The following PRKDC variants were observed in gnomAD, a reference collection of about 807,000 sequenced individuals.
PRKDC encodes the protein DNA-dependent protein kinase catalytic subunit.
PRKDC carries 82 observed loss-of-function variants against 486.9 expected under a neutral mutation model. The ratio of observed to expected loss-of-function variants is 0.17; its 90% CI spans 0.14 to 0.20. The LOEUF is 0.20. PRKDC is among the 10% of genes least tolerant of loss of function. The pLI, the probability that PRKDC is intolerant of heterozygous loss-of-function variation, is 1.00. For synonymous variants in PRKDC, 1,895 were observed against 1,837.0 expected (o/e 1.03, Z -0.81); for missense variants, 4,504 against 5,038.2 (o/e 0.89, Z 3.21).
At position 47,960,056 on chromosome 8, in the gene PRKDC, C is replaced by T; in HGVS notation, c.71G>A (p.Arg24His). 6.5e-7 allele frequency: 1 copy of T among 1,532,258 alleles called. No individual in the cohort carries two copies. The highest frequency in any genetic ancestry group is 8.7e-7 in the Non-Finnish European group (1 of 1,145,800). 94.9% of individuals were successfully genotyped at this position (1,532,258 alleles called of 1,614,324 possible). The change falls in exon 1 of 86, where the codon CGC (arginine) becomes CAC (histidine). Residue 24 changes from arginine (R) to histidine (H), a missense_variant. Arg to His is a conservative substitution (Grantham distance 29). Around this residue, in one of 6 missense-constraint regions of PRKDC, gnomAD observed 145 missense variants for 136.3 expected, o/e 1.06. Transcript: ENST00000314191. ...RLQETLSAAD[R>H]CGAALAGHQL... Reference sequence around the variant, plus strand: ...ATGACCGGCCAGGGCAGCACCGCAGCGGTCCGCAGCGGACAAGGTCTCCTG... The same window carrying T: ...ATGACCGGCCAGGGCAGCACCGCAGTGGTCCGCAGCGGACAAGGTCTCCTG...
chr8:47,802,116 T>C (rs1027493370), intron 70 of PRKDC, among the ~76,000 whole-genome samples: 1 of 152,162 alleles, frequency 6.6e-6, no homozygotes, highest in Non-Finnish European at 1.5e-5. Flanking sequence ...CAGGCCAGAA[T>C]ACAGTGGCTA....
chr8:47,877,109 A>G (rs2089107240), intron 40 of PRKDC, among the ~76,000 whole-genome samples: 2 of 152,260 alleles, frequency 1.3e-5, no homozygotes, highest in Non-Finnish European at 2.9e-5. Context: ...TGAAAGCAAA[A>G]GAATCAGATA....
At chr8:47,903,787 CTTT>C (rs1405693314) in intron 26 of PRKDC, among the ~76,000 whole-genome samples, 2 of 152,148 alleles carry the variant, frequency 1.3e-5, no homozygotes, top group East Asian at 1.9e-4. Context: ...AAAATAAAAA[CTTT>C]TTAACAGAAA....
At chr8:47,947,150 G>A (rs959009743) in intron 7 of PRKDC, among the ~76,000 whole-genome samples, 2 of 152,128 alleles carry the variant, frequency 1.3e-5, no homozygotes, top group African/African-American at 4.8e-5. Context: ...GCTAGAGACT[G>A]GCCGAGCATG....
chr8:47,794,531 A>T (rs538113308), intron 73 of PRKDC, 30 bp from the exon 74 acceptor site: 1 of 1,500,694 alleles, frequency 6.7e-7, no homozygotes, highest in Non-Finnish European at 9.2e-7. Context: ...CTTAATGCTG[A>T]GTAAAACATC....
chr8:47,907,597 A>C (rs2089814356), intron 25 of PRKDC, among the ~76,000 whole-genome samples: 1 of 139,876 alleles, frequency 7.1e-6, no homozygotes, highest in Non-Finnish European at 1.5e-5. Context: ...CGCAGTGGTG[A>C]AATCTGGGCT....
Position 47,935,845 on chromosome 8 carries a change from C to A in PRKDC, c.1334G>T (p.Ser445Ile), listed in dbSNP as rs1019855336. The stretch of plus-strand genomic sequence containing the variant: ...CATTTTTGGACTGTACTGTGGGAAA[C>A]TGTCTATCTGCATCACCACGAGGTG... The part of the protein sequence containing the change: ...LEHLVVMQID[S>I]FPQYSPKMQL... The change falls in exon 13 of 86, where the codon AGT becomes ATT. Residue 445 changes from serine (S) to isoleucine (I), a missense_variant. Transcript: ENST00000314191. 1 of 1,614,006 alleles carries A rather than the reference C, an allele frequency of 6.2e-7. No individual in the cohort carries two copies. Among genetic ancestry groups the A allele is most frequent in the Non-Finnish European group, 8.5e-7 (1 of 1,179,890 alleles).
At chr8:47,794,647 T>C (rs1304312565) in intron 73 of PRKDC, 146 bp from the exon 74 acceptor site, 5 of 686,796 alleles carry the variant, frequency 7.3e-6, no homozygotes, top group Non-Finnish European at 1.2e-5. Flanking sequence ...TCTCTTCTGC[T>C]GCGGCAACCA....
intron 68 of PRKDC, among the ~76,000 whole-genome samples, chr8:47,811,545 A>G (rs1366268818): frequency 6.6e-6 from 1 of 152,230 alleles, no homozygotes; most frequent in Non-Finnish European, 1.5e-5. Flanking sequence ...GGAAAACCAC[A>G]TATGTTCTTT....
chr8:47,813,736 G>A (rs1198601616), intron 68 of PRKDC, among the ~76,000 whole-genome samples: 1 of 151,956 alleles, frequency 6.6e-6, no homozygotes. Flanking sequence ...CACCATGCTC[G>A]GCTAATTTTA....
At chr8:47,949,639 T>A (rs1589815055) in intron 7 of PRKDC, among the ~76,000 whole-genome samples, 1 of 152,066 alleles carries the variant, frequency 6.6e-6, no homozygotes, top group East Asian at 1.9e-4. Flanking sequence ...TGACCGTAAG[T>A]GCTGTCACAG....
Position 47,918,462 on chromosome 8 carries a change from T to C in PRKDC, c.2420-79A>G, listed in dbSNP as rs1332334467. The stretch of plus-strand genomic sequence containing the variant: ...TGTACATTAGAGGCAACAAACTATA[T>C]TGTCAAATAGAAACATTAAAATCCT... On this transcript the variant is annotated intron_variant, in intron 21 of 85. Coordinates refer to ENST00000314191, the MANE Select transcript of PRKDC (RefSeq NM_006904.7). 5.3e-6 allele frequency: 4 copies of C among 753,810 alleles called. No homozygotes were observed. In the East Asian group the frequency reaches 9.6e-5, roughly 18 times the overall value. The allele number at this position is 753,810 out of a possible 1,614,324, so 46.7% of individuals were successfully genotyped here.
intron 54 of PRKDC, among the ~76,000 whole-genome samples, chr8:47,845,618 C>A (rs1252201938): frequency 2.0e-5 from 3 of 149,294 alleles, no homozygotes; most frequent in African/African-American, 7.4e-5. Flanking sequence ...AACAAACAAA[C>A]AAACAAAAAC....
chr8:47,796,833 C>G (rs1195783914), intron 73 of PRKDC, among the ~76,000 whole-genome samples: 2 of 152,130 alleles, frequency 1.3e-5, no homozygotes, highest in East Asian at 1.9e-4. Flanking sequence ...ACCTCGTGAT[C>G]TGCCCACCTT....
chr8:47,812,016 T>C (rs970725310), intron 68 of PRKDC, among the ~76,000 whole-genome samples: 2 of 152,178 alleles, frequency 1.3e-5, no homozygotes, highest in Non-Finnish European at 2.9e-5. Context: ...TGTATACCTA[T>C]GTAACAAACC....
chr8:47,860,592 T>C (rs2088654300), intron 45 of PRKDC, among the ~76,000 whole-genome samples: 1 of 152,062 alleles, frequency 6.6e-6, no homozygotes, highest in Admixed American at 6.6e-5. Flanking sequence ...ACAAACACAA[T>C]CCATATGCAA....
chr8:47,942,527 C>A (rs1399415901), intron 10 of PRKDC, among the ~76,000 whole-genome samples: 1 of 152,236 alleles, frequency 6.6e-6, no homozygotes, highest in Non-Finnish European at 1.5e-5. Context: ...ACTGTTCACA[C>A]AGGTTTGCAT....
rs192447250 is a variant in PRKDC at position 47,959,536 on chromosome 8, G to A, written c.154+437C>T. 6.1e-3 allele frequency among the ~76,000 whole-genome samples: 931 copies of A among 152,010 alleles called. 11 individuals carry two copies. The highest frequency in any genetic ancestry group is 0.022 in the African/African-American group (902 of 41,432). On this transcript the variant is annotated intron_variant, in intron 1 of 85. Coordinates refer to ENST00000314191, the MANE Select transcript of PRKDC (RefSeq NM_006904.7). ...TACTAAAAATACAAAAAAATTAGCC[G>A]GGCGTGGTGGCGCGCGCCTGTAATC...
rs535026814 is a variant in PRKDC, at chr8:47,880,517, T to G, written c.5068-859A>C. On this transcript the variant is annotated intron_variant, in intron 38 of 85. Coordinates refer to ENST00000314191, the MANE Select transcript of PRKDC (RefSeq NM_006904.7). ...CCCTTTATCCAGTAAAAAGGTCCCT[T>G]GAATTAAGGCCACTTTTCAGTAGGG... Among the ~76,000 whole-genome samples, 28 of 152,294 alleles carry G rather than the reference T, an allele frequency of 1.8e-4. 1 individual carries two copies. The highest frequency in any genetic ancestry group is 6.5e-4 in the African/African-American group (27 of 41,562).
Sources: allele counts gnomAD v4.1 joint callset (sites outside exome capture counted in the v4.1 genomes callset), GRCh38; gene constraint gnomAD v4.1.1; regional missense constraint gnomAD v4.1.1; transcripts MANE v1.5; gene names NCBI Gene and HGNC (gene_info 2026-07-23, HGNC 2026-07-21).